SPAG16: variants seen among roughly 807,000 people sequenced by gnomAD.
SPAG16 encodes the protein sperm associated antigen 16, also known as sperm-associated antigen 16 protein.
Under a neutral mutation model 80.4 loss-of-function variants are expected in SPAG16, and 86 were observed. The observed-to-expected ratio is 1.07, with a 90% CI of 0.90 to 1.28. The LOEUF (loss-of-function observed/expected upper bound fraction) is 1.28. Ranked by LOEUF, SPAG16 falls within the 50% of genes most tolerant of loss-of-function variation. The pLI, the probability that SPAG16 is intolerant of heterozygous loss-of-function variation, is 0.00. For synonymous variants in SPAG16, 294 were observed against 265.9 expected, an observed-to-expected ratio of 1.11 and a Z score of -1.03; for missense variants, 870 against 765.3, an observed-to-expected ratio of 1.14 and a Z score of -1.61.
Position 213,310,175 on chromosome 2 carries a change from A to G in SPAG16, c.396A>G (p.Glu132=). Residue 132 remains glutamate (E), a splice_region_variant and synonymous_variant, in exon 4 of 16, where the codon GAA becomes GAG. Transcript: ENST00000331683. ...MTRTLDCFQS[E]WYELIQKGVT... ...GAACTCTTGATTGCTTTCAGTCTGA[A>G]TGGTAAACAATTATGTAGATAAATA... is the stretch of plus-strand genomic sequence containing the variant. 1 of 1,570,436 alleles carries G rather than the reference A, an allele frequency of 6.4e-7. No homozygotes were observed. The highest frequency in any genetic ancestry group is 8.7e-7 in the Non-Finnish European group (1 of 1,144,982).
intron 9 of SPAG16, 101 bp from the exon 10 acceptor site, chr2:213,489,862 A>C: frequency 1.1e-6 from 1 of 937,554 alleles, no homozygotes; most frequent in East Asian, 3.0e-5. Flanking sequence ...ATTCTGGGCA[A>C]ATATAATGTT....
chr2:213,341,351 G>T (rs2064676828), intron 6 of SPAG16, among the ~76,000 whole-genome samples: 1 of 152,216 alleles, frequency 6.6e-6, no homozygotes, highest in Middle Eastern at 3.4e-3. Context: ...TCAGCTATAG[G>T]ACAGAGTGTT....
intron 6 of SPAG16, among the ~76,000 whole-genome samples, chr2:213,346,906 G>C (rs1020639101): frequency 6.6e-6 from 1 of 152,072 alleles, no homozygotes; most frequent in East Asian, 1.9e-4. Flanking sequence ...CATAAAATGA[G>C]TTAGGAAGGT....
At chr2:213,990,002 T>A (rs551759558) in intron 12 of SPAG16, among the ~76,000 whole-genome samples, 1 of 152,278 alleles carries the variant, frequency 6.6e-6, no homozygotes, top group South Asian at 2.1e-4. Context: ...TTGATTTCAA[T>A]AATTTATATA....
intron 9 of SPAG16, among the ~76,000 whole-genome samples, chr2:213,468,491 GTATT>G (rs2072859760): frequency 9.7e-6 from 1 of 103,468 alleles, no homozygotes; most frequent in Admixed American, 9.9e-5. Flanking sequence ...ATATATATAT[GTATT>G]TATATATAGA....
chr2:213,427,705 C>G (rs1056811195), intron 9 of SPAG16, among the ~76,000 whole-genome samples: 1 of 152,140 alleles, frequency 6.6e-6, no homozygotes, highest in Admixed American at 6.5e-5. Flanking sequence ...GCAAAGACAG[C>G]AAGGACCAAG....
At chr2:213,383,338 G>A (rs1400455622) in intron 9 of SPAG16, among the ~76,000 whole-genome samples, 1 of 152,090 alleles carries the variant, frequency 6.6e-6, no homozygotes, top group South Asian at 2.1e-4. Context: ...TTAGTATCTT[G>A]CTGACCCCTC....
intron 10 of SPAG16, among the ~76,000 whole-genome samples, chr2:213,535,429 A>G (rs1156635674): frequency 6.6e-6 from 1 of 152,160 alleles, no homozygotes; most frequent in African/African-American, 2.4e-5. Flanking sequence ...AGAGACGGAA[A>G]TCATGTCTGA....
rs1425195671 is a variant in SPAG16, at chr2:214,140,942, G to T, written c.1594-8198G>T. Among the ~76,000 whole-genome samples the T allele has an allele frequency of 9.2e-4, 88 of 95,566 alleles. 2 individuals carry two copies. The highest frequency in any genetic ancestry group is 5.6e-3 in the East Asian group (15 of 2,660). The allele number at this position is 95,566 out of a possible 152,430, so 62.7% of individuals were successfully genotyped here. A position where few individuals can be genotyped will look rare whatever the true frequency, so the allele number is the denominator to read the frequency against. Reference sequence around the variant, plus strand: ...AAGTATATCCCATTGGTGGGGGGGGGGGGGTGGGGGGTGGGGGGATGTGAC... The same window carrying T: ...AAGTATATCCCATTGGTGGGGGGGGTGGGGTGGGGGGTGGGGGGATGTGAC... On this transcript the variant is annotated intron_variant, in intron 14 of 15. Coordinates refer to ENST00000331683, the MANE Select transcript of SPAG16 (RefSeq NM_024532.5).
At chr2:213,467,416 T>A (rs1249596421) in intron 9 of SPAG16, among the ~76,000 whole-genome samples, 3 of 152,180 alleles carry the variant, frequency 2.0e-5, no homozygotes, top group African/African-American at 7.2e-5. Context: ...AAAATATCCC[T>A]ATGTAGCAGA....
intron 9 of SPAG16, among the ~76,000 whole-genome samples, chr2:213,448,612 T>G (rs2071493814): frequency 6.6e-6 from 1 of 152,100 alleles, no homozygotes; most frequent in African/African-American, 2.4e-5. Context: ...AAGGGAGAAA[T>G]GTTGCAGGAA....
intron 8 of SPAG16, among the ~76,000 whole-genome samples, chr2:213,372,155 C>A (rs1241670545): frequency 6.6e-6 from 1 of 151,866 alleles, no homozygotes; most frequent in Non-Finnish European, 1.5e-5. Flanking sequence ...TTTCAAAAAG[C>A]TTATGAAATC....
intron 11 of SPAG16, among the ~76,000 whole-genome samples, chr2:213,911,835 CAAAAAAAA>C (rs10644766): frequency 2.4e-5 from 3 of 126,146 alleles, no homozygotes; most frequent in Admixed American, 8.2e-5. Context: ...AAACAGTTAG[CAAAAAAAA>C]AAAAAAAAAT....
intron 10 of SPAG16, among the ~76,000 whole-genome samples, chr2:213,605,772 A>T (rs1230577609): frequency 6.6e-6 from 1 of 152,096 alleles, no homozygotes; most frequent in East Asian, 1.9e-4. Flanking sequence ...TACAGGTGTG[A>T]GCCACCGCAC....
intron 15 of SPAG16, among the ~76,000 whole-genome samples, chr2:214,407,747 T>C (rs1466131739): frequency 6.6e-6 from 1 of 152,154 alleles, no homozygotes; most frequent in East Asian, 1.9e-4. Flanking sequence ...ACCAATTGGA[T>C]ACTAAAGTAC....
chr2:213,673,927 T>C (rs1235186865), intron 10 of SPAG16, among the ~76,000 whole-genome samples: 1 of 152,168 alleles, frequency 6.6e-6, no homozygotes, highest in Non-Finnish European at 1.5e-5. Context: ...ACATTCATTC[T>C]ATATGAAATA....
At chr2:213,566,082 C>A (rs2059752671) in intron 10 of SPAG16, among the ~76,000 whole-genome samples, 1 of 152,012 alleles carries the variant, frequency 6.6e-6, no homozygotes, top group South Asian at 2.1e-4. Flanking sequence ...CTAGTTTTTC[C>A]AGCTGAACAG....
At chr2:213,887,499 A>T (rs1043994126) in intron 11 of SPAG16, among the ~76,000 whole-genome samples, 9 of 151,942 alleles carry the variant, frequency 5.9e-5, no homozygotes, top group Non-Finnish European at 1.3e-4. Context: ...TCTTCAATAC[A>T]TCCTATCAGG....
At chr2:214,045,739 G>A (rs996042877) in intron 13 of SPAG16, among the ~76,000 whole-genome samples, 6 of 152,124 alleles carry the variant, frequency 3.9e-5, no homozygotes, top group African/African-American at 7.2e-5. Flanking sequence ...ATAGCTTTAA[G>A]TGCCTACATC....
Sources: gnomAD v4.1 joint callset for allele counts (sites outside exome capture counted in the v4.1 genomes callset) on GRCh38, gnomAD v4.1.1 for gene constraint, MANE v1.5 for transcripts, NCBI Gene and HGNC (gene_info 2026-07-23, HGNC 2026-07-21) for gene names.